The following TMEM132D variants were observed in gnomAD, a reference collection of about 807,000 sequenced individuals.
The protein encoded by TMEM132D is mature OL transmembrane protein.
TMEM132D carries 21 observed loss-of-function variants against 62.3 expected under a neutral mutation model. That is an observed-to-expected ratio of 0.34 (90% CI 0.24 to 0.49). The LOEUF is 0.49. Ranked by LOEUF, TMEM132D falls within the 20% of genes least tolerant of loss-of-function variation. TMEM132D has a pLI of 0.99. For missense variants in TMEM132D, 1,346 were observed against 1,402.8 expected, an observed-to-expected ratio of 0.96 and a Z score of 0.65; for synonymous variants, 621 against 575.6, an observed-to-expected ratio of 1.08 and a Z score of -1.13.
intron 5 of TMEM132D, among the ~76,000 whole-genome samples, chr12:129,087,720 G>T (rs1013970909): frequency 6.6e-6 from 1 of 152,158 alleles, no homozygotes; most frequent in African/African-American, 2.4e-5. Flanking sequence ...TCAGACTTTC[G>T]GCCTTCAGAA....
rs190981117 is a variant in TMEM132D at position 129,553,447 on chromosome 12, C to T, written c.969-22242G>A. Among the ~76,000 whole-genome samples the T allele has an allele frequency of 1.4e-4, 22 of 152,284 alleles. No homozygotes were observed. In the East Asian group the frequency reaches 3.7e-3, roughly 25 times the overall value. On this transcript the variant is annotated intron_variant, in intron 2 of 8. Transcript: ENST00000422113. ...TTAGGAAAGACTCAAGGAGAAACTA[C>T]CACGTTGTCACTTGGAAACACTGTA...
In TMEM132D at chr12:129,332,929, A is replaced by C. The variant is rs116393159; in HGVS notation, c.1299+4705T>G. ...TCAGTTTGCAAGATGAAAAAGTTCC[A>C]GAGAGCCATTGCCCAACAATGAGAA... On this transcript the variant is annotated intron_variant, in intron 4 of 8. Transcript: ENST00000422113. Among the ~76,000 whole-genome samples the C allele has an allele frequency of 2.0e-5, 3 of 152,212 alleles. No homozygotes were observed. In the East Asian group the frequency reaches 5.8e-4, roughly 29 times the overall value.
At chr12:129,363,392 A>T (rs1056004536) in intron 3 of TMEM132D, among the ~76,000 whole-genome samples, 27 of 152,368 alleles carry the variant, frequency 1.8e-4, no homozygotes, top group African/African-American at 6.0e-4. Flanking sequence ...CTCTTTAAGC[A>T]TGCAGTTGAA....
intron 5 of TMEM132D, among the ~76,000 whole-genome samples, chr12:129,165,579 C>T (rs2398454): frequency 0.53 from 80,201 of 151,964 alleles, 23,320 homozygotes; most frequent in Non-Finnish European, 0.66. Context: ...TACCCTGTTT[C>T]TCTAACACCA....
At chr12:129,634,185 T>C (rs1879420040) in intron 2 of TMEM132D, among the ~76,000 whole-genome samples, 1 of 152,026 alleles carries the variant, frequency 6.6e-6, no homozygotes, top group South Asian at 2.1e-4. Context: ...CTTAAGAAAT[T>C]GTCCAGGCAG....
chr12:129,095,177 TATA>T (rs1255899617), intron 5 of TMEM132D, among the ~76,000 whole-genome samples: 1 of 151,440 alleles, frequency 6.6e-6, no homozygotes. Context: ...AAACTTAAAG[TATA>T]ATAATAATAA....
chr12:129,544,351 AT>A (rs1397441934), intron 2 of TMEM132D, among the ~76,000 whole-genome samples: 5 of 152,252 alleles, frequency 3.3e-5, no homozygotes, highest in African/African-American at 1.2e-4. Context: ...TTGTTTTAGC[AT>A]GAAATAAAGA....
rs566068103 is a variant in TMEM132D at position 129,766,156 on chromosome 12, T to C, written c.80-65458A>G. ...ATGGGGTGGCTGCTTCCTGGACCCC[T>C]ACTGACTGCCAGGACCAGAAGCTCC... On this transcript the variant is annotated intron_variant, in intron 1 of 8. Transcript: ENST00000422113. Among the ~76,000 whole-genome samples the C allele has an allele frequency of 4.0e-5, 6 of 151,756 alleles. No individual in the cohort carries two copies. The South Asian group carries it at 6.3e-4, about 16-fold the overall frequency.
intron 1 of TMEM132D, among the ~76,000 whole-genome samples, chr12:129,707,014 A>G (rs976624790): frequency 6.6e-6 from 1 of 151,478 alleles, no homozygotes; most frequent in Non-Finnish European, 1.5e-5. Flanking sequence ...TTGATCAACT[A>G]AACACTCAAA....
Position 129,464,044 on chromosome 12 carries a change from C to T in TMEM132D, c.1115+67015G>A, listed in dbSNP as rs77712935. 1.9e-3 allele frequency among the ~76,000 whole-genome samples: 279 copies of T among 150,774 alleles called. 2 individuals are homozygous for T. The highest frequency in any genetic ancestry group is 5.5e-3 in the African/African-American group (226 of 40,938). On this transcript the variant is annotated intron_variant, in intron 3 of 8. Transcript: ENST00000422113. The stretch of plus-strand genomic sequence containing the variant: ...TTCTAGTTCTAGATCCTTGAGGAAT[C>T]GCCACACTGACTTCCACAATGGTTG...
chr12:129,589,984 C>T (rs986474561), intron 2 of TMEM132D, among the ~76,000 whole-genome samples: 16 of 152,148 alleles, frequency 1.1e-4, no homozygotes, highest in African/African-American at 3.6e-4. Flanking sequence ...TATCTTGTTT[C>T]TACCCTCTCA....
At chr12:129,758,005 T>G (rs1643056974) in intron 1 of TMEM132D, among the ~76,000 whole-genome samples, 1 of 152,086 alleles carries the variant, frequency 6.6e-6, no homozygotes, top group Admixed American at 6.5e-5. Context: ...TGGGTTCAAG[T>G]GATTCTTCTG....
At chr12:129,391,959 G>A (rs968132915) in intron 3 of TMEM132D, among the ~76,000 whole-genome samples, 6 of 151,968 alleles carry the variant, frequency 3.9e-5, no homozygotes, top group Non-Finnish European at 5.9e-5. Flanking sequence ...GTTTCACCAT[G>A]TTGGCCAGGC....
chr12:129,662,523 G>A (rs116938673), intron 2 of TMEM132D, among the ~76,000 whole-genome samples: 126 of 152,260 alleles, frequency 8.3e-4, no homozygotes, highest in African/African-American at 2.4e-3. Flanking sequence ...GGCCAGGCCC[G>A]ATGGCTCACG....
chr12:129,075,055 G>A lies in TMEM132D; in HGVS notation c.2120C>T (p.Ala707Val). ...GAACTGGACCCAGCAACTGATGGCT[G>A]CTTCCTATGGAGAAAAATATGTAAG... ...QELLQRPKQE[A>V]AISCWVQFSD... is the part of the protein sequence containing the mutation. The change falls in exon 9 of 9, where the codon GCA becomes GTA. Residue 707 changes from alanine (A) to valine (V), a missense_variant. Transcript: ENST00000422113. 6.2e-7 allele frequency: 1 copy of A among 1,600,092 alleles called. No homozygotes were observed. The highest frequency in any genetic ancestry group is 8.5e-7 in the Non-Finnish European group (1 of 1,175,712).
intron 5 of TMEM132D, among the ~76,000 whole-genome samples, chr12:129,136,506 G>A (rs1001697637): frequency 6.6e-6 from 1 of 152,228 alleles, no homozygotes; most frequent in Admixed American, 6.5e-5. Flanking sequence ...GAGTACCACA[G>A]AGGTGATTTG....
chr12:129,545,778 A>G (rs1876715078), intron 2 of TMEM132D, among the ~76,000 whole-genome samples: 1 of 152,212 alleles, frequency 6.6e-6, no homozygotes, highest in Admixed American at 6.5e-5. Context: ...ACAAGTTCCC[A>G]TCTTACAGTG....
chr12:129,316,644 T>C (rs1868496311), intron 4 of TMEM132D, among the ~76,000 whole-genome samples: 1 of 152,222 alleles, frequency 6.6e-6, no homozygotes, highest in Non-Finnish European at 1.5e-5. Context: ...AGATGTTCTG[T>C]ATATATCTGT....
intron 5 of TMEM132D, among the ~76,000 whole-genome samples, chr12:129,130,071 A>C (rs1391662095): frequency 7.2e-6 from 1 of 138,858 alleles, no homozygotes; most frequent in Non-Finnish European, 1.6e-5. Flanking sequence ...ATGCAGTGGA[A>C]ACTAGAAAGA....
Sources: gnomAD v4.1 joint callset for allele counts (sites outside exome capture counted in the v4.1 genomes callset) on GRCh38, gnomAD v4.1.1 for gene constraint, MANE v1.5 for transcripts, NCBI Gene and HGNC (gene_info 2026-07-23, HGNC 2026-07-21) for gene names.